The following SORCS1 variants were observed in gnomAD, a reference collection of about 807,000 sequenced individuals.
SORCS1 encodes the protein VPS10 domain-containing receptor SorCS1.
Under a neutral mutation model 146.1 loss-of-function variants are expected in SORCS1, and 60 were observed. That is an observed-to-expected ratio of 0.41 (90% CI 0.33 to 0.51). The LOEUF is 0.51. Ranked by LOEUF, SORCS1 falls within the 20% of genes least tolerant of loss-of-function variation. The pLI is 0.21. For missense variants in SORCS1, 1,352 were observed against 1,487.6 expected, an observed-to-expected ratio of 0.91 and a Z score of 1.50; for synonymous variants, 637 against 584.0, an observed-to-expected ratio of 1.09 and a Z score of -1.31.
intron 2 of SORCS1, among the ~76,000 whole-genome samples, chr10:106,919,912 C>T (rs577937345): frequency 3.3e-5 from 5 of 152,158 alleles, no homozygotes; most frequent in South Asian, 2.1e-4. Flanking sequence ...ATGCTAAATA[C>T]GGCTTGAGTT....
chr10:106,706,556 C>T lies in SORCS1; in HGVS notation c.1222G>A (p.Ala408Thr). ...AFAQMKLPKY[A>T]LPKDMHVIST... The stretch of plus-strand genomic sequence containing the variant: ...GATTTAGGCCATACCTTGGGCAAAG[C>T]ATATTTCGGAAGCTTCATTTGGGCA... Residue 408 changes from alanine (A) to threonine (T), a missense_variant, in exon 8 of 26, where the codon GCT (alanine) becomes ACT (threonine). By Grantham distance (58) the Ala-to-Thr change is moderately conservative. Around this residue, in one of 3 missense-constraint regions of SORCS1, gnomAD observed 648 missense variants for 793.8 expected, o/e 0.82. Coordinates refer to ENST00000263054, the MANE Select transcript of SORCS1 (RefSeq NM_052918.5). 6.2e-7 allele frequency: 1 copy of T among 1,614,106 alleles called. No homozygotes were observed. The highest frequency in any genetic ancestry group is 8.5e-7 in the Non-Finnish European group (1 of 1,179,966).
At chr10:107,050,578 G>A (rs1960008190) in intron 1 of SORCS1, among the ~76,000 whole-genome samples, 1 of 152,108 alleles carries the variant, frequency 6.6e-6, no homozygotes, top group Admixed American at 6.6e-5. Flanking sequence ...AATGGCTTTA[G>A]TGGCACCTCT....
intron 23 of SORCS1, among the ~76,000 whole-genome samples, chr10:106,598,111 G>T (rs1846014090): frequency 6.6e-6 from 1 of 152,038 alleles, no homozygotes; most frequent in Non-Finnish European, 1.5e-5. Flanking sequence ...ATAGTGTAAG[G>T]TAAGGTTTTA....
intron 1 of SORCS1, among the ~76,000 whole-genome samples, chr10:107,035,715 C>CAAAT (rs1958879276): frequency 6.6e-6 from 1 of 152,092 alleles, no homozygotes; most frequent in Non-Finnish European, 1.5e-5. Flanking sequence ...AGCTATTTCA[C>CAAAT]ATTTGAGGAT....
At chr10:107,071,217 TA>T (rs1445796791) in intron 1 of SORCS1, among the ~76,000 whole-genome samples, 1 of 152,056 alleles carries the variant, frequency 6.6e-6, no homozygotes, top group Non-Finnish European at 1.5e-5. Context: ...AAAATGCTGG[TA>T]TTTTTTTAAG....
At chr10:107,073,321 C>T (rs908083824) in intron 1 of SORCS1, among the ~76,000 whole-genome samples, 1 of 152,096 alleles carries the variant, frequency 6.6e-6, no homozygotes, top group African/African-American at 2.4e-5. Context: ...AGATGAATCT[C>T]CATAGGCATT....
intron 2 of SORCS1, among the ~76,000 whole-genome samples, chr10:106,901,985 A>T (rs1951725660): frequency 6.6e-6 from 1 of 152,096 alleles, no homozygotes; most frequent in Admixed American, 6.6e-5. Flanking sequence ...TAGAGCTTGA[A>T]GTAAGCAGAG....
At chr10:107,000,463 T>C (rs10787002) in intron 1 of SORCS1, among the ~76,000 whole-genome samples, 121,513 of 151,848 alleles carry the variant, frequency 0.8, 49,144 homozygotes, top group African/African-American at 0.92. Context: ...AAAAATTATC[T>C]GGGCGTGGTG....
intron 5 of SORCS1, among the ~76,000 whole-genome samples, chr10:106,752,291 T>C (rs111294788): frequency 4.7e-4 from 71 of 152,258 alleles, no homozygotes; most frequent in African/African-American, 1.7e-3. Flanking sequence ...CAGGAAGAAC[T>C]AAAGAAGGCT....
At chr10:106,926,144 T>C (rs1953001830) in intron 2 of SORCS1, among the ~76,000 whole-genome samples, 1 of 105,996 alleles carries the variant, frequency 9.4e-6, no homozygotes, top group Non-Finnish European at 2.4e-5. Flanking sequence ...AGCATAGTTA[T>C]TTGTATCCTT....
intron 2 of SORCS1, among the ~76,000 whole-genome samples, chr10:106,889,152 C>A (rs987389158): frequency 2.0e-5 from 3 of 152,124 alleles, no homozygotes; most frequent in Non-Finnish European, 2.9e-5. Flanking sequence ...TTTTGAGATA[C>A]TAGGTTAAGC....
chr10:106,718,460 A>G (rs1001461456), intron 6 of SORCS1, among the ~76,000 whole-genome samples: 1 of 152,164 alleles, frequency 6.6e-6, no homozygotes, highest in Admixed American at 6.5e-5. Flanking sequence ...ATGTGTCCAG[A>G]GTTTCTTCCT....
intron 2 of SORCS1, among the ~76,000 whole-genome samples, chr10:106,912,436 C>T (rs1352957966): frequency 6.6e-6 from 1 of 152,080 alleles, no homozygotes; most frequent in Non-Finnish European, 1.5e-5. Context: ...GATTCTCACT[C>T]CCAACCTAAA....
the SORCS1 span, among the ~76,000 whole-genome samples, chr10:107,170,834 C>T: frequency 2.0e-5 from 3 of 152,146 alleles, no homozygotes; most frequent in East Asian, 5.8e-4. Context: ...AGAAGAGAGG[C>T]GGTCAAAGGC....
At position 107,047,733 on chromosome 10, in the gene SORCS1, T is replaced by C. The variant is rs377260887; in HGVS notation, c.559-91153A>G. ...TCCCAATGTTATGTCCCTGCTCCAG[T>C]TGTTCCCTGAAAATGGAGACCCATC... On this transcript the variant is annotated intron_variant, in intron 1 of 25. Coordinates refer to ENST00000263054, the MANE Select transcript of SORCS1 (RefSeq NM_052918.5). Among the ~76,000 whole-genome samples the C allele has an allele frequency of 6.6e-5, 10 of 152,228 alleles. No homozygotes were observed. In the East Asian group the frequency reaches 1.7e-3, roughly 27 times the overall value.
At chr10:107,034,692 A>AAAAAAAAAAAAAAAAAAAC (rs1958814461) in intron 1 of SORCS1, among the ~76,000 whole-genome samples, 1 of 142,040 alleles carries the variant, frequency 7.0e-6, no homozygotes, top group Non-Finnish European at 1.6e-5. Flanking sequence ...AAAAAAAAAA[A>AAAAAAAAAAAAAAAAAAAC]AAAAAAAAAA....
chr10:107,067,209 C>T (rs1204358821), intron 1 of SORCS1, among the ~76,000 whole-genome samples: 2 of 152,244 alleles, frequency 1.3e-5, no homozygotes, highest in African/African-American at 4.8e-5. Context: ...ACTATCATTT[C>T]TCCTTACTCC....
At chr10:107,011,496 C>T (rs1316655681) in intron 1 of SORCS1, among the ~76,000 whole-genome samples, 2 of 152,220 alleles carry the variant, frequency 1.3e-5, no homozygotes, top group Admixed American at 6.5e-5. Flanking sequence ...TTCTGCCCTG[C>T]AAGCTACCCA....
At chr10:106,861,059 TACTCAGTTGGCTGAAG>T (rs1949992622) in intron 2 of SORCS1, among the ~76,000 whole-genome samples, 1 of 152,138 alleles carries the variant, frequency 6.6e-6, no homozygotes, top group South Asian at 2.1e-4. Flanking sequence ...TCTCACACGG[TACTCAGTTGGCTGAAG>T]ACGCAGTGTT....
Sources: allele counts gnomAD v4.1 joint callset (sites outside exome capture counted in the v4.1 genomes callset), GRCh38; gene constraint gnomAD v4.1.1; regional missense constraint gnomAD v4.1.1; transcripts MANE v1.5; gene names NCBI Gene and HGNC (gene_info 2026-07-23, HGNC 2026-07-21).